SFMBT2: variants seen among roughly 807,000 people sequenced by gnomAD.
SFMBT2 encodes scm-like with four MBT domains protein 2.
SFMBT2 carries 38 observed loss-of-function variants against 110.1 expected under a neutral mutation model. The observed-to-expected ratio is 0.35, with a 90% CI of 0.27 to 0.45. The LOEUF is 0.45. Ranked by LOEUF, SFMBT2 falls within the 20% of genes least tolerant of loss-of-function variation. The probability of loss-of-function intolerance (pLI) is 1.00; values close to 1 mark genes in which losing one functional copy is unlikely to be tolerated. For synonymous variants in SFMBT2, 425 were observed against 425.4 expected (o/e 1.00, Z 0.01); for missense variants, 1,011 against 1,094.9 (o/e 0.92, Z 1.08).
chr10:7,406,519 A>C (rs1203757880), intron 1 of SFMBT2, among the ~76,000 whole-genome samples: 1 of 151,514 alleles, frequency 6.6e-6, no homozygotes, highest in African/African-American at 2.4e-5. Flanking sequence ...GGAAAAATGG[A>C]TAAGTGTTTA....
At chr10:7,372,083 C>A (rs906869240) in intron 2 of SFMBT2, among the ~76,000 whole-genome samples, 1 of 152,082 alleles carries the variant, frequency 6.6e-6, no homozygotes, top group South Asian at 2.1e-4. Context: ...TGCACCACCA[C>A]GCCCAGCTAA....
Position 7,292,622 on chromosome 10 carries a change from T to C in SFMBT2, c.437-6668A>G, listed in dbSNP as rs114740664. ...TCCCTTAGTACCTGTCATATAAAGA[T>C]TGTTGGAGGACAAGTTTCATTTCAA... is the stretch of plus-strand genomic sequence containing the variant. On this transcript the variant is annotated intron_variant, in intron 4 of 20. Coordinates refer to ENST00000397167, the MANE Select transcript of SFMBT2 (RefSeq NM_001387889.1). Among the ~76,000 whole-genome samples, 169 of 152,272 alleles carry C rather than the reference T, an allele frequency of 1.1e-3. 2 individuals carry two copies. Among genetic ancestry groups the C allele is most frequent in the African/African-American group, 3.7e-3 (155 of 41,566 alleles).
intron 2 of SFMBT2, among the ~76,000 whole-genome samples, chr10:7,374,496 A>C (rs1436937592): frequency 6.6e-6 from 1 of 152,196 alleles, no homozygotes; most frequent in Non-Finnish European, 1.5e-5. Context: ...CTATACTATT[A>C]GAATTTTACC....
intron 17 of SFMBT2, among the ~76,000 whole-genome samples, chr10:7,173,409 T>C (rs1245167872): frequency 6.6e-6 from 1 of 152,152 alleles, no homozygotes; most frequent in Non-Finnish European, 1.5e-5. Context: ...CTCCCCCAGC[T>C]CTTGGTCCGA....
At chr10:7,228,713 TTCTTTC>T (rs1163279447) in intron 9 of SFMBT2, among the ~76,000 whole-genome samples, 9 of 132,036 alleles carry the variant, frequency 6.8e-5, no homozygotes, top group African/African-American at 2.5e-4. Flanking sequence ...CTTTCTTTCT[TTCTTTC>T]TTTCTTTCTT....
intron 2 of SFMBT2, among the ~76,000 whole-genome samples, chr10:7,376,320 T>C (rs555520560): frequency 3.9e-5 from 6 of 152,252 alleles, no homozygotes; most frequent in African/African-American, 1.4e-4. Flanking sequence ...TAATCACATA[T>C]TCAGTGTTCC....
rs74527421 is a variant in SFMBT2 at position 7,329,779 on chromosome 10, C to T, written c.436+37870G>A. On this transcript the variant is annotated intron_variant, in intron 4 of 20. Transcript: ENST00000397167. Reference sequence around the variant, plus strand: ...ATTTGTTCCCCCATGACTCAGGTGCCCAGGACAAGGGTTCCAGCAAATGAG... The same window carrying T: ...ATTTGTTCCCCCATGACTCAGGTGCTCAGGACAAGGGTTCCAGCAAATGAG... Among the ~76,000 whole-genome samples the T allele has an allele frequency of 1.8e-4, 27 of 152,300 alleles. No individual in the cohort carries two copies. In the East Asian group the frequency reaches 4.2e-3, roughly 24 times the overall value.
intron 4 of SFMBT2, among the ~76,000 whole-genome samples, chr10:7,344,812 A>T (rs1396702250): frequency 6.6e-6 from 1 of 152,094 alleles, no homozygotes; most frequent in Non-Finnish European, 1.5e-5. Context: ...CAAAAAAATT[A>T]GCCGGGCACA....
rs371694051 is a variant in SFMBT2 at position 7,269,725 on chromosome 10, T to A, written c.870+7167A>T. Among the ~76,000 whole-genome samples the A allele has an allele frequency of 1.2e-4, 3 of 24,714 alleles. No individual in the cohort carries two copies. The East Asian group carries it at 0.068, about 562-fold the overall frequency. 16.2% of individuals were successfully genotyped at this position (24,714 alleles called of 152,430 possible). A position where few individuals can be genotyped will look rare whatever the true frequency, so the allele number is the denominator to read the frequency against. ...GCAAGTAAGTGTGTGCGTGTGTGTG[T>A]GTGTGTGTGTGTGTGTGTGTGTGTG... On this transcript the variant is annotated intron_variant, in intron 7 of 20. Coordinates refer to ENST00000397167, the MANE Select transcript of SFMBT2 (RefSeq NM_001387889.1).
Position 7,167,243 on chromosome 10 carries a change from T to TAGAG in SFMBT2, c.2545-3334_2545-3333insCTCT, listed in dbSNP as rs543524439. The stretch of plus-strand genomic sequence containing the variant: ...AGCAGTCTGCTTATTGCGCTGTCTC[T>TAGAG]GACTGATGAAAGCTGAATACATAGG... On this transcript the variant is annotated intron_variant, in intron 20 of 20. Coordinates refer to ENST00000397167, the MANE Select transcript of SFMBT2 (RefSeq NM_001387889.1). Among the ~76,000 whole-genome samples, 175 of 152,344 alleles carry TAGAG rather than the reference T, an allele frequency of 1.1e-3. 2 individuals carry two copies. Among genetic ancestry groups the TAGAG allele is most frequent in the African/African-American group, 4.1e-3 (169 of 41,590 alleles).
At chr10:7,211,571 T>G (rs1434749685) in intron 11 of SFMBT2, among the ~76,000 whole-genome samples, 1 of 152,096 alleles carries the variant, frequency 6.6e-6, no homozygotes, top group African/African-American at 2.4e-5. Flanking sequence ...CAAACACCTG[T>G]GGCGGGATTA....
In SFMBT2 at chr10:7,366,626, C is replaced by T. The variant is rs147825120; in HGVS notation, c.436+1023G>A. ...GGTGGCATCAAGAGCCTGCAAGTAT[C>T]GCTGCTGCCATTATCATACAATAAA... On this transcript the variant is annotated intron_variant, in intron 4 of 20. Coordinates refer to ENST00000397167, the MANE Select transcript of SFMBT2 (RefSeq NM_001387889.1). Among the ~76,000 whole-genome samples the T allele has an allele frequency of 5.3e-5, 8 of 152,284 alleles. No individual in the cohort carries two copies. The East Asian group carries it at 1.5e-3, about 29-fold the overall frequency.
intron 7 of SFMBT2, 131 bp from the exon 8 acceptor site, chr10:7,248,780 C>T (rs935667580): frequency 2.8e-5 from 20 of 723,810 alleles, no homozygotes; most frequent in African/African-American, 7.2e-5. Flanking sequence ...TTCCCTGTTT[C>T]GAATTTCTAA....
intron 4 of SFMBT2, among the ~76,000 whole-genome samples, chr10:7,292,831 A>G (rs893715308): frequency 6.6e-6 from 1 of 152,048 alleles, no homozygotes; most frequent in Non-Finnish European, 1.5e-5. Context: ...CGTCTCTACT[A>G]AAAATAGAAA....
At chr10:7,252,475 C>A (rs954739163) in intron 7 of SFMBT2, among the ~76,000 whole-genome samples, 1 of 152,230 alleles carries the variant, frequency 6.6e-6, no homozygotes, top group Non-Finnish European at 1.5e-5. Context: ...GCAGACAACA[C>A]ACAATCTCTT....
chr10:7,406,832 C>G (rs1415555751), intron 1 of SFMBT2, among the ~76,000 whole-genome samples: 2 of 152,208 alleles, frequency 1.3e-5, no homozygotes, highest in African/African-American at 4.8e-5. Flanking sequence ...TCCACCGGCA[C>G]TTCTACAGCA....
chr10:7,179,171 T>G (rs1838163473), intron 16 of SFMBT2, among the ~76,000 whole-genome samples: 1 of 152,100 alleles, frequency 6.6e-6, no homozygotes, highest in Non-Finnish European at 1.5e-5. Context: ...TTTCTTCAGT[T>G]TCTCTGATGG....
chr10:7,266,407 A>G (rs1233453748), intron 7 of SFMBT2, among the ~76,000 whole-genome samples: 1 of 152,092 alleles, frequency 6.6e-6, no homozygotes, highest in Non-Finnish European at 1.5e-5. Flanking sequence ...TTCTAATTTT[A>G]AGCAGACACC....
At chr10:7,228,723 CTTTCTTTCTTTCCTTTCTCT>C (rs1173556145) in intron 9 of SFMBT2, among the ~76,000 whole-genome samples, 1 of 115,162 alleles carries the variant, frequency 8.7e-6, no homozygotes, top group African/African-American at 4.1e-5. Flanking sequence ...TTCTTTCTTT[CTTTCTTTCTTTCCTTTCTCT>C]CTCTCTCTCT....
Sources: allele counts gnomAD v4.1 joint callset (sites outside exome capture counted in the v4.1 genomes callset), GRCh38; gene constraint gnomAD v4.1.1; transcripts MANE v1.5; gene names NCBI Gene and HGNC (gene_info 2026-07-23, HGNC 2026-07-21).